Variants in CCDC91 observed in about 807,000 individuals in gnomAD.
CCDC91 encodes the protein coiled-coil domain containing 91.
CCDC91 carries 48 observed loss-of-function variants against 63.2 expected under a neutral mutation model. The ratio of observed to expected loss-of-function variants is 0.76; its 90% CI spans 0.60 to 0.97. The LOEUF (loss-of-function observed/expected upper bound fraction) is 0.97. Among genes scored for constraint, CCDC91 ranks in the 50% least tolerant of loss-of-function variants. The pLI, the probability that CCDC91 is intolerant of heterozygous loss-of-function variation, is 0.00. For missense variants in CCDC91, 500 were observed against 494.6 expected (o/e 1.01, Z -0.10); for synonymous variants, 167 against 165.8 (o/e 1.01, Z -0.06).
chr12:28,393,307 G>C (rs1946065045), intron 8 of CCDC91, among the ~76,000 whole-genome samples: 2 of 151,794 alleles, frequency 1.3e-5, no homozygotes, highest in Non-Finnish European at 2.9e-5. Context: ...GTCCTTTATA[G>C]TAGTCAGCTC....
intron 1 of CCDC91, among the ~76,000 whole-genome samples, chr12:28,211,360 C>T (rs1029432210): frequency 1.3e-5 from 2 of 152,046 alleles, no homozygotes; most frequent in African/African-American, 4.8e-5. Flanking sequence ...GGAAAATTAT[C>T]TTTTTCCATT....
chr12:28,193,685 G>A (rs1332520727), intron 1 of CCDC91, among the ~76,000 whole-genome samples: 1 of 151,584 alleles, frequency 6.6e-6, no homozygotes, highest in Non-Finnish European at 1.5e-5. Flanking sequence ...AGTGATGTTT[G>A]ATGTTCCAGT....
At chr12:28,393,682 T>G (rs1254746509) in intron 8 of CCDC91, among the ~76,000 whole-genome samples, 1 of 152,204 alleles carries the variant, frequency 6.6e-6, no homozygotes, top group Non-Finnish European at 1.5e-5. Flanking sequence ...AGTTGGTATT[T>G]GTTGCTGAAA....
intron 8 of CCDC91, among the ~76,000 whole-genome samples, chr12:28,439,711 G>GTTT (rs996015082): frequency 3.8e-4 from 55 of 144,580 alleles, no homozygotes; most frequent in African/African-American, 1.3e-3. Context: ...GAAAGAAGAG[G>GTTT]TTTTTTTTTT....
intron 3 of CCDC91, among the ~76,000 whole-genome samples, chr12:28,291,438 AG>A (rs1469484618): frequency 6.6e-6 from 1 of 152,184 alleles, no homozygotes; most frequent in Admixed American, 6.5e-5. Context: ...CAGGCATTGT[AG>A]TTTTCAGTGC....
Position 28,511,526 on chromosome 12 carries a change from A to G in CCDC91, c.1215+27361A>G, listed in dbSNP as rs577259196. On this transcript the variant is annotated intron_variant, in intron 12 of 12. Transcript: ENST00000536442. Reference sequence around the variant, plus strand: ...ATGGTGGTCGTCTGTTTTCCCCTCAAGAAGAATGAGGGGCCTTAAAAGAGC... The same window carrying G: ...ATGGTGGTCGTCTGTTTTCCCCTCAGGAAGAATGAGGGGCCTTAAAAGAGC... Among the ~76,000 whole-genome samples, 14 of 151,926 alleles carry G rather than the reference A, an allele frequency of 9.2e-5. No homozygotes were observed. The East Asian group carries it at 1.2e-3, about 13-fold the overall frequency.
intron 3 of CCDC91, among the ~76,000 whole-genome samples, chr12:28,269,098 A>C (rs560282604): frequency 6.6e-6 from 1 of 152,268 alleles, no homozygotes; most frequent in South Asian, 2.1e-4. Flanking sequence ...CTCTGTACTG[A>C]TGCCCGTAAT....
chr12:28,508,574 T>TTTA (rs1434449960), intron 12 of CCDC91, among the ~76,000 whole-genome samples: 1 of 151,902 alleles, frequency 6.6e-6, no homozygotes, highest in East Asian at 1.9e-4. Flanking sequence ...CCTACCTCCT[T>TTTA]TTATTGATCA....
chr12:28,548,513 C>T (rs549303487), intron 12 of CCDC91, among the ~76,000 whole-genome samples: 174 of 152,192 alleles, frequency 1.1e-3, no homozygotes, highest in African/African-American at 3.8e-3. Context: ...TCAAATGATT[C>T]GCCCACCTCA....
intron 6 of CCDC91, among the ~76,000 whole-genome samples, chr12:28,350,244 T>C (rs1943092805): frequency 2.0e-5 from 3 of 152,226 alleles, no homozygotes; most frequent in African/African-American, 7.2e-5. Context: ...TAGGTACCTA[T>C]GAATAATCTG....
intron 8 of CCDC91, among the ~76,000 whole-genome samples, chr12:28,438,555 T>C (rs1425929974): frequency 6.6e-6 from 1 of 152,082 alleles, no homozygotes; most frequent in Non-Finnish European, 1.5e-5. Context: ...AGATACTTGC[T>C]AAAATAATTA....
intron 1 of CCDC91, among the ~76,000 whole-genome samples, chr12:28,253,712 A>G (rs1946269099): frequency 6.6e-6 from 1 of 152,212 alleles, no homozygotes; most frequent in South Asian, 2.1e-4. Context: ...TAATCAAAAG[A>G]AATCTTTGTA....
At chr12:28,317,718 A>G (rs1323751529) in intron 6 of CCDC91, among the ~76,000 whole-genome samples, 3 of 151,860 alleles carry the variant, frequency 2.0e-5, no homozygotes, top group Non-Finnish European at 4.4e-5. Context: ...TTTTATGTCC[A>G]TGTGTAGGGG....
intron 8 of CCDC91, among the ~76,000 whole-genome samples, chr12:28,432,284 C>T (rs753397886): frequency 4.6e-5 from 7 of 151,974 alleles, no homozygotes; most frequent in Non-Finnish European, 8.8e-5. Context: ...TGTCCCCACC[C>T]AAATCTCATC....
rs1226144669 is a variant in CCDC91, at chr12:28,484,181, A to G, written c.1215+16A>G. 4 of 1,472,020 alleles carry G rather than the reference A, an allele frequency of 2.7e-6. No individual in the cohort carries two copies. Among genetic ancestry groups the G allele is most frequent in the South Asian group, 1.2e-5 (1 of 82,394 alleles). The allele number at this position is 1,472,020 out of a possible 1,614,324, so 91.2% of individuals were successfully genotyped here. A position where few individuals can be genotyped will look rare whatever the true frequency, so the allele number is the denominator to read the frequency against. ...ACAGAAAAGGGTAAGTATCTCCTGA[A>G]GAGTTTTAATTTGTGCTTCAATAAA... is the stretch of plus-strand genomic sequence containing the variant. On this transcript the variant is annotated intron_variant, in intron 12 of 12. Transcript: ENST00000536442.
chr12:28,400,472 T>C (rs1946555108), intron 8 of CCDC91, among the ~76,000 whole-genome samples: 1 of 151,998 alleles, frequency 6.6e-6, no homozygotes, highest in African/African-American at 2.4e-5. Flanking sequence ...CCCCATTGTC[T>C]TGGCAAGTAA....
At chr12:28,398,837 T>C (rs573498956) in intron 8 of CCDC91, among the ~76,000 whole-genome samples, 38 of 152,330 alleles carry the variant, frequency 2.5e-4, no homozygotes, top group African/African-American at 8.4e-4. Context: ...CTTATTTTAT[T>C]ATGTTGTCTA....
chr12:28,498,377 G>A (rs1378817702), intron 12 of CCDC91, among the ~76,000 whole-genome samples: 1 of 151,628 alleles, frequency 6.6e-6, no homozygotes, highest in African/African-American at 2.4e-5. Flanking sequence ...CATGTCAAGA[G>A]CAGAGTGCAA....
intron 7 of CCDC91, among the ~76,000 whole-genome samples, chr12:28,369,885 G>A (rs1288376468): frequency 1.3e-5 from 2 of 152,196 alleles, no homozygotes; most frequent in Non-Finnish European, 2.9e-5. Context: ...AGCTAGAGCT[G>A]GAGTAGCTGG....
Sources: gnomAD v4.1 joint callset for allele counts (sites outside exome capture counted in the v4.1 genomes callset) on GRCh38, gnomAD v4.1.1 for gene constraint, MANE v1.5 for transcripts, NCBI Gene and HGNC (gene_info 2026-07-23, HGNC 2026-07-21) for gene names.